Variants in RASSF6 observed in about 807,000 individuals in gnomAD.
RASSF6 encodes Ras association domain family member 6, also known as ras association domain-containing protein 6.
A neutral mutation model predicts 44.0 loss-of-function variants in RASSF6; 52 were observed. That is an observed-to-expected ratio of 1.18 (90% CI 0.95 to 1.49). RASSF6 has a LOEUF of 1.49. Ranked by LOEUF, RASSF6 falls within the 40% of genes most tolerant of loss-of-function variation. The pLI is 0.00. For missense variants in RASSF6, 464 were observed against 393.3 expected (o/e 1.18, Z -1.52); for synonymous variants, 162 against 124.6 (o/e 1.30, Z -2.00).
intron 2 of RASSF6, among the ~76,000 whole-genome samples, chr4:73,601,278 G>A (rs1021366811): frequency 6.6e-6 from 1 of 152,226 alleles, no homozygotes; most frequent in Non-Finnish European, 1.5e-5. Context: ...AAACAAAGTT[G>A]TATTGGAATA....
chr4:73,582,376 A>C, intron 6 of RASSF6, 86 bp from the exon 7 acceptor site: 1 of 544,472 alleles, frequency 1.8e-6, no homozygotes, highest in African/African-American at 2.0e-5. Flanking sequence ...CTTATAGGGC[A>C]AAAAAAATCC....
chr4:73,613,237 T>C (rs971809622), intron 1 of RASSF6, among the ~76,000 whole-genome samples: 1 of 152,186 alleles, frequency 6.6e-6, no homozygotes, highest in Admixed American at 6.5e-5. Context: ...GCAGGACACC[T>C]GGAGGACTCA....
chr4:73,601,690 G>A (rs376929928), intron 2 of RASSF6, among the ~76,000 whole-genome samples: 2 of 152,178 alleles, frequency 1.3e-5, no homozygotes, highest in East Asian at 1.9e-4. Flanking sequence ...TCTTTTAATC[G>A]TGTGTACACC....
chr4:73,587,266 C>T (rs976157253), intron 5 of RASSF6, among the ~76,000 whole-genome samples: 2 of 152,104 alleles, frequency 1.3e-5, no homozygotes, highest in Non-Finnish European at 2.9e-5. Flanking sequence ...GCTGGCATTT[C>T]CCATTGGTTT....
chr4:73,608,910 T>C (rs749397418), intron 2 of RASSF6, among the ~76,000 whole-genome samples: 3 of 152,226 alleles, frequency 2.0e-5, no homozygotes, highest in Non-Finnish European at 4.4e-5. Context: ...TTGTGCTTAA[T>C]TTGTGCTTAG....
chr4:73,610,997 T>C (rs1411822074), intron 2 of RASSF6, among the ~76,000 whole-genome samples: 2 of 152,192 alleles, frequency 1.3e-5, no homozygotes, highest in Non-Finnish European at 2.9e-5. Context: ...TGTGGCTTTA[T>C]TTCCATATTT....
chr4:73,588,986 G>C (rs1201004288), intron 4 of RASSF6, among the ~76,000 whole-genome samples: 3 of 152,024 alleles, frequency 2.0e-5, no homozygotes, highest in Non-Finnish European at 4.4e-5. Context: ...TTATGGCATT[G>C]ACTCTGCCCG....
At chr4:73,615,028 A>G (rs1035341155) in intron 1 of RASSF6, among the ~76,000 whole-genome samples, 22 of 152,146 alleles carry the variant, frequency 1.4e-4, no homozygotes, top group African/African-American at 5.3e-4. Context: ...GAAATACAAA[A>G]GTTAGCCGGG....
chr4:73,593,166 C>A (rs987237941), intron 4 of RASSF6, among the ~76,000 whole-genome samples: 1 of 152,046 alleles, frequency 6.6e-6, no homozygotes, highest in Admixed American at 6.5e-5. Flanking sequence ...CAGGCGGCTG[C>A]CACCACGCCC....
chr4:73,580,004 T>A (rs527451581), intron 8 of RASSF6, among the ~76,000 whole-genome samples: 200 of 148,848 alleles, frequency 1.3e-3, no homozygotes, highest in African/African-American at 4.8e-3. Context: ...GTGTATCTCC[T>A]AATGCTATCC....
rs71217483 is a variant in RASSF6 at position 73,588,783 on chromosome 4, GTCA to G, written c.288-852_288-850del. Among the ~76,000 whole-genome samples, 358 of 148,694 alleles carry G rather than the reference GTCA, an allele frequency of 2.4e-3. 3 individuals are homozygous for G. Among genetic ancestry groups the G allele is most frequent in the African/African-American group, 8.0e-3 (323 of 40,328 alleles). On this transcript the variant is annotated intron_variant, in intron 4 of 10. Coordinates refer to ENST00000307439, the MANE Select transcript of RASSF6 (RefSeq NM_177532.5). ...AATTATAATTATCCTCATCTCCATT[GTCA>G]TCATCATCATCATCATCATCATCAT...
In RASSF6 at chr4:73,585,361, T is replaced by C. The variant is rs895838549; in HGVS notation, c.386A>G (p.Tyr129Cys). ...CAGGGTGTTGCTGTGATAAGATAAA[T>C]AGTCTGGGAAGAATAGATTATAAGC... ...MSEKRNSQEDYLSYHSNTLKP... is the reference protein window; with the variant it reads ...MSEKRNSQEDCLSYHSNTLKP... The change falls in exon 6 of 11, where the codon TAT becomes TGT. Residue 129 changes from tyrosine (Y) to cysteine (C), a missense_variant. Tyr to Cys is a radical substitution (Grantham distance 194, BLOSUM62 -2). Coordinates refer to ENST00000307439, the MANE Select transcript of RASSF6 (RefSeq NM_177532.5). 7.7e-5 allele frequency: 122 copies of C among 1,579,322 alleles called. No individual in the cohort carries two copies. The highest frequency in any genetic ancestry group is 9.8e-5 in the Non-Finnish European group (114 of 1,165,620).
chr4:73,588,609 C>T (rs1302208578), intron 4 of RASSF6, among the ~76,000 whole-genome samples: 1 of 151,762 alleles, frequency 6.6e-6, no homozygotes, highest in East Asian at 1.9e-4. Context: ...GTTTCTTATC[C>T]CCTCTGTGCC....
rs1263613971 is a variant in RASSF6, at chr4:73,608,932, G to C, written c.65+2799C>G. On this transcript the variant is annotated intron_variant, in intron 2 of 10. Transcript: ENST00000307439. ...TAATTTGTGCTTAGAAGTGCAGGTG[G>C]CTGGTTCCTTTGTTTCAACAAAGGT... Among the ~76,000 whole-genome samples the C allele has an allele frequency of 2.0e-5, 3 of 152,330 alleles. No individual in the cohort carries two copies. The South Asian group carries it at 6.2e-4, about 32-fold the overall frequency.
At chr4:73,591,628 G>C (rs1724566085) in intron 4 of RASSF6, among the ~76,000 whole-genome samples, 2 of 152,174 alleles carry the variant, frequency 1.3e-5, no homozygotes, top group Non-Finnish European at 2.9e-5. Context: ...AGTGAGAAAT[G>C]TGGGGCTCTC....
At chr4:73,582,712 C>T (rs1040422197) in intron 6 of RASSF6, among the ~76,000 whole-genome samples, 7 of 151,960 alleles carry the variant, frequency 4.6e-5, no homozygotes, top group Admixed American at 4.6e-4. Flanking sequence ...GTGGGTTCAG[C>T]AGATGTAGAG....
chr4:73,603,853 T>G (rs1425383459), intron 2 of RASSF6, among the ~76,000 whole-genome samples: 1 of 152,198 alleles, frequency 6.6e-6, no homozygotes, highest in Non-Finnish European at 1.5e-5. Flanking sequence ...CTAAGAGATT[T>G]TTTTCCTCTT....
chr4:73,583,680 T>C (rs1304239921), intron 6 of RASSF6, among the ~76,000 whole-genome samples: 1 of 152,184 alleles, frequency 6.6e-6, no homozygotes, highest in Non-Finnish European at 1.5e-5. Context: ...TTGCAGTGAA[T>C]GACATTTGTG....
chr4:73,590,979 T>A (rs1239474783), intron 4 of RASSF6, among the ~76,000 whole-genome samples: 1 of 152,212 alleles, frequency 6.6e-6, no homozygotes, highest in African/African-American at 2.4e-5. Flanking sequence ...TGGCAGTATA[T>A]GGAGAGGCAT....
Sources: gnomAD v4.1 joint callset for allele counts (sites outside exome capture counted in the v4.1 genomes callset) on GRCh38, gnomAD v4.1.1 for gene constraint, MANE v1.5 for transcripts, NCBI Gene and HGNC (gene_info 2026-07-23, HGNC 2026-07-21) for gene names.